Variants in FRMD5 observed in about 807,000 individuals in gnomAD.
FRMD5 encodes the protein FERM domain containing 5, also known as FERM domain-containing protein 5.
Under a neutral mutation model 69.0 loss-of-function variants are expected in FRMD5, and 20 were observed. The ratio of observed to expected loss-of-function variants is 0.29; its 90% CI spans 0.20 to 0.42. The LOEUF (loss-of-function observed/expected upper bound fraction) is 0.42. FRMD5 is among the 10% of genes least tolerant of loss of function. FRMD5 has a pLI of 1.00. For synonymous variants in FRMD5, 271 were observed against 260.1 expected (o/e 1.04, Z -0.40); for missense variants, 595 against 708.6 (o/e 0.84, Z 1.82).
intron 1 of FRMD5, among the ~76,000 whole-genome samples, chr15:44,147,189 T>C (rs956113663): frequency 1.6e-4 from 25 of 152,168 alleles, no homozygotes; most frequent in Admixed American, 1.5e-3. Context: ...CAGGGTCCGG[T>C]TTCGATTTTC....
chr15:44,072,781 C>T (rs942056083), intron 1 of FRMD5, among the ~76,000 whole-genome samples: 3 of 151,656 alleles, frequency 2.0e-5, no homozygotes, highest in Non-Finnish European at 4.4e-5. Context: ...TTTGCGCTAG[C>T]AATAAAAAAA....
intron 1 of FRMD5, among the ~76,000 whole-genome samples, chr15:44,088,777 T>C (rs530826770): frequency 6.6e-6 from 1 of 152,266 alleles, no homozygotes; most frequent in South Asian, 2.1e-4. Flanking sequence ...GTATCTTCAT[T>C]TTACAAAGGA....
At chr15:44,132,174 G>C (rs1441700470) in intron 1 of FRMD5, among the ~76,000 whole-genome samples, 1 of 152,182 alleles carries the variant, frequency 6.6e-6, no homozygotes, top group Non-Finnish European at 1.5e-5. Context: ...TGCCACCGCT[G>C]ATCTGACAGG....
intron 1 of FRMD5, among the ~76,000 whole-genome samples, chr15:44,016,346 G>A (rs1200356436): frequency 2.0e-5 from 3 of 152,112 alleles, no homozygotes; most frequent in African/African-American, 4.8e-5. Context: ...TTATATATAC[G>A]AATAATGTAT....
intron 1 of FRMD5, among the ~76,000 whole-genome samples, chr15:43,954,186 T>C (rs146179399): frequency 6.6e-6 from 1 of 152,360 alleles, no homozygotes; most frequent in East Asian, 1.9e-4. Flanking sequence ...TCTTCTGCTC[T>C]CACGCTTTCC....
At chr15:44,174,008 G>C (rs1383529701) in intron 1 of FRMD5, among the ~76,000 whole-genome samples, 3 of 151,888 alleles carry the variant, frequency 2.0e-5, no homozygotes, top group South Asian at 2.1e-4. Flanking sequence ...AGGTCATATA[G>C]GTAGTATGAA....
intron 1 of FRMD5, among the ~76,000 whole-genome samples, chr15:44,031,306 T>A (rs1891671766): frequency 6.6e-6 from 1 of 152,324 alleles, no homozygotes; most frequent in Non-Finnish European, 1.5e-5. Context: ...CATTTCTCTA[T>A]GAAAATATAA....
chr15:44,089,491 T>C (rs1894344879), intron 1 of FRMD5, among the ~76,000 whole-genome samples: 1 of 151,898 alleles, frequency 6.6e-6, no homozygotes, highest in African/African-American at 2.4e-5. Flanking sequence ...TCACTTGAGC[T>C]CAAGAGTTGG....
intron 1 of FRMD5, among the ~76,000 whole-genome samples, chr15:44,143,307 C>A (rs2077301435): frequency 6.6e-6 from 1 of 151,962 alleles, no homozygotes; most frequent in East Asian, 1.9e-4. Context: ...CTCATTTGAT[C>A]TTCCTGGTGA....
intron 1 of FRMD5, among the ~76,000 whole-genome samples, chr15:44,111,623 T>G (rs1263545934): frequency 6.6e-6 from 1 of 152,182 alleles, no homozygotes; most frequent in Non-Finnish European, 1.5e-5. Context: ...AAAGTTGTTC[T>G]TAATCACCCA....
intron 1 of FRMD5, among the ~76,000 whole-genome samples, chr15:43,999,969 T>TGC (rs59520778): frequency 6.7e-5 from 1 of 14,856 alleles, no homozygotes; most frequent in East Asian, 2.6e-3. Context: ...TATATATATA[T>TGC]ATATATATAT....
rs138784751 is a variant in FRMD5 at position 44,175,332 on chromosome 15, A to G, written c.102+19621T>C. On this transcript the variant is annotated intron_variant, in intron 1 of 13. Transcript: ENST00000417257. ...AAATGAACTCTTTCAAGTCTCTTCC[A>G]GCTCTAAAAGTCTAGGATTTCATTA... Among the ~76,000 whole-genome samples the G allele has an allele frequency of 6.0e-3, 917 of 152,306 alleles. 5 individuals carry two copies. Among genetic ancestry groups the G allele is most frequent in the Middle Eastern group, 0.017 (5 of 294 alleles).
intron 1 of FRMD5, chr15:43,989,547 T>C: frequency 1.1e-6 from 1 of 884,598 alleles, no homozygotes; most frequent in South Asian, 1.3e-5. Context: ...AGCTTCTCCT[T>C]GATGTCATGC....
intron 2 of FRMD5, among the ~76,000 whole-genome samples, chr15:43,923,787 G>A (rs1335166569): frequency 6.6e-6 from 1 of 152,216 alleles, no homozygotes; most frequent in Non-Finnish European, 1.5e-5. Context: ...GCCCGCGCTG[G>A]TTTGGCTCTG....
At chr15:43,945,614 C>A (rs879515345) in intron 1 of FRMD5, among the ~76,000 whole-genome samples, 2 of 152,158 alleles carry the variant, frequency 1.3e-5, no homozygotes, top group South Asian at 2.1e-4. Flanking sequence ...TACAAAAACA[C>A]CACATGGAAC....
At chr15:43,921,812 C>T (rs992577448) in intron 2 of FRMD5, among the ~76,000 whole-genome samples, 1 of 152,154 alleles carries the variant, frequency 6.6e-6, no homozygotes, top group Non-Finnish European at 1.5e-5. Context: ...GCCCTGGGCC[C>T]GAGTCAGGCA....
At chr15:44,103,960 G>T (rs1336316777) in intron 1 of FRMD5, among the ~76,000 whole-genome samples, 1 of 152,180 alleles carries the variant, frequency 6.6e-6, no homozygotes, top group Non-Finnish European at 1.5e-5. Context: ...TAAAAGCATA[G>T]CACATATAAT....
intron 1 of FRMD5, among the ~76,000 whole-genome samples, chr15:44,127,147 A>G (rs749641250): frequency 1.3e-5 from 2 of 152,176 alleles, no homozygotes; most frequent in African/African-American, 2.4e-5. Context: ...CAGTGGTGCA[A>G]TATCGGCTCA....
intron 1 of FRMD5, among the ~76,000 whole-genome samples, chr15:44,110,328 G>A (rs1262496881): frequency 6.6e-6 from 1 of 152,178 alleles, no homozygotes; most frequent in Non-Finnish European, 1.5e-5. Context: ...GAGTAGCTGG[G>A]ACTGCAGGCC....
Sources: gnomAD v4.1 joint callset for allele counts (sites outside exome capture counted in the v4.1 genomes callset) on GRCh38, gnomAD v4.1.1 for gene constraint, MANE v1.5 for transcripts, NCBI Gene and HGNC (gene_info 2026-07-23, HGNC 2026-07-21) for gene names.